The following DMD variants were observed in gnomAD, a reference collection of about 807,000 sequenced individuals.
The protein encoded by DMD is dystrophin.
A neutral mutation model predicts 330.1 loss-of-function variants in DMD; 63 were observed. That is an observed-to-expected ratio of 0.19 (90% CI 0.16 to 0.24). DMD has a LOEUF of 0.24. DMD is among the 10% of genes least tolerant of loss of function. The pLI, the probability that DMD is intolerant of heterozygous loss-of-function variation, is 1.00. For missense variants in DMD, 3,344 were observed against 2,684.1 expected (o/e 1.25, Z -5.43); for synonymous variants, 1,223 against 959.8 (o/e 1.27, Z -5.07).
intron 60 of DMD, among the ~76,000 whole-genome samples, chrX:31,367,917 A>G (rs2059345813): frequency 8.9e-6 from 1 of 111,993 alleles, no homozygotes; most frequent in Admixed American, 9.5e-5. Flanking sequence ...CAGGTATTCT[A>G]TTGACACCAA....
chrX:32,569,162 G>A (rs1603636619), intron 15 of DMD, among the ~76,000 whole-genome samples: 1 of 111,498 alleles, frequency 9.0e-6, no homozygotes, highest in East Asian at 2.8e-4. Context: ...AATCAGACTG[G>A]GTCAGTAGTG....
chrX:32,468,081 A>G (rs187113712), intron 23 of DMD, among the ~76,000 whole-genome samples: 17 of 110,361 alleles, frequency 1.5e-4, no homozygotes, highest in Non-Finnish European at 3.8e-5. Flanking sequence ...ATAGGAAATA[A>G]TCATATACAT....
chrX:32,727,510 C>G (rs966283225), intron 7 of DMD, among the ~76,000 whole-genome samples: 3 of 110,384 alleles, frequency 2.7e-5, no homozygotes, highest in African/African-American at 9.9e-5. Context: ...TTTTCTATAT[C>G]AGGCCTCTGC....
At chrX:31,393,382 C>T (rs1458759284) in intron 60 of DMD, among the ~76,000 whole-genome samples, 1 of 105,082 alleles carries the variant, frequency 9.5e-6, no homozygotes, top group Non-Finnish European at 1.9e-5. Flanking sequence ...GAGGCTGAGG[C>T]AGGGGAATTG....
chrX:33,082,943 C>T (rs916903681), intron 1 of DMD, among the ~76,000 whole-genome samples: 2 of 112,265 alleles, frequency 1.8e-5, no homozygotes, highest in Non-Finnish European at 3.8e-5. Context: ...TTAGCACAAA[C>T]TACATCAGAT....
chrX:33,124,896 T>C (rs2095452244), intron 1 of DMD, among the ~76,000 whole-genome samples: 1 of 107,342 alleles, frequency 9.3e-6, no homozygotes, highest in Non-Finnish European at 1.9e-5. Flanking sequence ...TGGTGGTGCA[T>C]GCCTGTAATC....
At chrX:31,303,976 T>C (rs1314217684) in intron 62 of DMD, among the ~76,000 whole-genome samples, 1 of 112,297 alleles carries the variant, frequency 8.9e-6, no homozygotes, top group Non-Finnish European at 1.9e-5. Context: ...TAAACATCTA[T>C]TGACAAATGA....
intron 1 of DMD, among the ~76,000 whole-genome samples, chrX:33,092,405 C>T (rs906907105): frequency 8.9e-6 from 1 of 111,796 alleles, no homozygotes; most frequent in Non-Finnish European, 1.9e-5. Context: ...ATTAATTTCA[C>T]TTTAAAGCTA....
chrX:32,450,497 A>G (rs901234668), intron 26 of DMD, among the ~76,000 whole-genome samples: 3 of 110,857 alleles, frequency 2.7e-5, no homozygotes, highest in Non-Finnish European at 5.7e-5. Context: ...AGTATAATCA[A>G]CAAGTTTGAT....
chrX:31,380,397 C>T (rs755422483), intron 60 of DMD, among the ~76,000 whole-genome samples: 13 of 109,596 alleles, frequency 1.2e-4, no homozygotes, highest in Admixed American at 8.8e-4. Flanking sequence ...AACCCACAAG[C>T]ATAAGACACC....
intron 37 of DMD, among the ~76,000 whole-genome samples, chrX:32,361,710 G>T (rs1022115573): frequency 9.0e-6 from 1 of 111,324 alleles, no homozygotes; most frequent in African/African-American, 3.3e-5. Flanking sequence ...GTGAAACCAT[G>T]CTATTACTGG....
At chrX:33,325,840 C>T (rs1569132927) in intron 1 of DMD, among the ~76,000 whole-genome samples, 1 of 111,543 alleles carries the variant, frequency 9.0e-6, no homozygotes, top group Non-Finnish European at 1.9e-5. Context: ...ACCAATATGC[C>T]TGAATCCATG....
chrX:32,699,892 T>G (rs12353812), intron 7 of DMD, among the ~76,000 whole-genome samples: 8 of 112,203 alleles, frequency 7.1e-5, no homozygotes, highest in African/African-American at 2.3e-4. Flanking sequence ...GTTTACATTG[T>G]GGTGCATGGG....
In DMD at chrX:32,402,258, T is replaced by C. The variant is rs182707794; in HGVS notation, c.4233+9494A>G. On this transcript the variant is annotated intron_variant, in intron 30 of 78. Coordinates refer to ENST00000357033, the MANE Select transcript of DMD (RefSeq NM_004006.3). The stretch of plus-strand genomic sequence containing the variant: ...CAAAATAATGGAGTGAAAAAGTTGA[T>C]GGTAACCTTAAATTATCTTTTTAAA... Among the ~76,000 whole-genome samples the C allele has an allele frequency of 6.1e-3, 684 of 111,804 alleles. 5 individuals carry two copies. The highest frequency in any genetic ancestry group is 0.021 in the African/African-American group (664 of 30,892).
chrX:32,865,384 A>G (rs1281291400), intron 2 of DMD, among the ~76,000 whole-genome samples: 1 of 111,760 alleles, frequency 8.9e-6, no homozygotes. Context: ...AGAGAACAAC[A>G]GAGTGAAAAT....
intron 30 of DMD, among the ~76,000 whole-genome samples, chrX:32,398,075 G>T: frequency 9.1e-6 from 1 of 110,174 alleles, no homozygotes. Context: ...CACGTACTTA[G>T]AAAACGAAAG....
At chrX:31,963,753 T>C (rs1262927274) in intron 45 of DMD, among the ~76,000 whole-genome samples, 1 of 108,218 alleles carries the variant, frequency 9.2e-6, no homozygotes, top group African/African-American at 3.4e-5. Context: ...TAAAAATTTA[T>C]GAGTCCATTT....
chrX:32,037,699 G>A (rs1353341652), intron 44 of DMD, among the ~76,000 whole-genome samples: 7 of 110,886 alleles, frequency 6.3e-5, no homozygotes, highest in African/African-American at 2.0e-4. Flanking sequence ...ACTATCCCAT[G>A]ATACTCATTA....
Position 31,478,224 on chromosome X carries a change from T to G in DMD, c.8819A>C (p.Gln2940Pro), listed in dbSNP as rs1372401429. ...DETLERLRELQEATDELDLKL... is the reference protein window; with the variant it reads ...DETLERLRELPEATDELDLKL... The stretch of plus-strand genomic sequence containing the variant: ...GAGGTCCAGCTCATCCGTGGCCTCT[T>G]GAAGTTCCCGGAGTCTTTCAAGGGT... The change falls in exon 59 of 79, where the codon CAA (glutamine) becomes CCA (proline). Residue 2940 changes from glutamine (Q) to proline (P), a missense_variant. Coordinates refer to ENST00000357033, the MANE Select transcript of DMD (RefSeq NM_004006.3). 8.3e-7 allele frequency: 1 copy of G among 1,211,135 alleles called. No homozygotes were observed. The highest frequency in any genetic ancestry group is 1.1e-6 in the Non-Finnish European group (1 of 895,391).
Sources: gnomAD v4.1 joint callset for allele counts (sites outside exome capture counted in the v4.1 genomes callset) on GRCh38, gnomAD v4.1.1 for gene constraint, MANE v1.5 for transcripts, NCBI Gene and HGNC (gene_info 2026-07-23, HGNC 2026-07-21) for gene names.